Variants in CSMD1 observed in about 807,000 individuals in gnomAD.
CSMD1 encodes the protein CUB and sushi domain-containing protein 1.
Under a neutral mutation model 417.5 loss-of-function variants are expected in CSMD1, and 213 were observed. The observed-to-expected ratio is 0.51, with a 90% CI of 0.46 to 0.57. The LOEUF (loss-of-function observed/expected upper bound fraction) is 0.57, where lower values mean the gene tolerates loss of function less well. CSMD1 is among the 20% of genes least tolerant of loss of function. CSMD1 has a pLI of 0.00. For synonymous variants in CSMD1, 2,862 were observed against 1,736.8 expected (o/e 1.65, Z -16.11); for missense variants, 6,923 against 4,529.7 (o/e 1.53, Z -15.17).
chr8:3,562,012 G>A (rs1799487671), intron 10 of CSMD1, among the ~76,000 whole-genome samples: 1 of 152,018 alleles, frequency 6.6e-6, no homozygotes, highest in South Asian at 2.1e-4. Flanking sequence ...TGTGAAGGAG[G>A]AGTCCTGACT....
chr8:3,855,566 G>C (rs2975372), intron 5 of CSMD1, among the ~76,000 whole-genome samples: 23,554 of 152,122 alleles, frequency 0.15, 2,012 homozygotes, highest in East Asian at 0.39. Context: ...CAGAAATACT[G>C]ATTAACTGAG....
At chr8:4,871,939 T>C (rs1394094761) in intron 1 of CSMD1, among the ~76,000 whole-genome samples, 2 of 152,016 alleles carry the variant, frequency 1.3e-5, no homozygotes, top group East Asian at 1.9e-4. Context: ...TTACCCACTA[T>C]CTCTATGGTC....
chr8:3,284,979 T>C (rs1178412257), intron 25 of CSMD1, among the ~76,000 whole-genome samples: 2 of 152,212 alleles, frequency 1.3e-5, no homozygotes, highest in Non-Finnish European at 2.9e-5. Context: ...CAGGTATTTT[T>C]CAGAGTGACT....
chr8:4,527,658 A>G (rs144861488), intron 2 of CSMD1, among the ~76,000 whole-genome samples: 6 of 152,348 alleles, frequency 3.9e-5, no homozygotes, highest in Non-Finnish European at 5.9e-5. Context: ...TTGAATACTG[A>G]AAGTACATAG....
At chr8:4,584,653 G>A (rs1799611667) in intron 2 of CSMD1, among the ~76,000 whole-genome samples, 1 of 152,094 alleles carries the variant, frequency 6.6e-6, no homozygotes, top group African/African-American at 2.4e-5. Flanking sequence ...GGTTGACCCT[G>A]TGGCCATGAC....
Position 3,408,249 on chromosome 8 carries a change from C to T in CSMD1, c.1745-24G>A. 5 of 1,544,300 alleles carry T rather than the reference C, an allele frequency of 3.2e-6. No homozygotes were observed. The Middle Eastern group carries it at 5.1e-4, about 156-fold the overall frequency. ...AACTGTGAAGATGCAAATATATTTTCAAACAGTTATGCACATATCCAAAGA... is the reference window on the plus strand; with the variant it reads ...AACTGTGAAGATGCAAATATATTTTTAAACAGTTATGCACATATCCAAAGA... On this transcript the variant is annotated intron_variant, in intron 13 of 69. Transcript: ENST00000635120.
At chr8:4,607,275 G>GA (rs1216575079) in intron 2 of CSMD1, among the ~76,000 whole-genome samples, 4 of 142,708 alleles carry the variant, frequency 2.8e-5, no homozygotes, top group South Asian at 2.4e-4. Flanking sequence ...AGAAAATATG[G>GA]AAAAAATAAA....
At chr8:3,175,022 T>C (rs1411495661) in intron 37 of CSMD1, among the ~76,000 whole-genome samples, 2 of 152,194 alleles carry the variant, frequency 1.3e-5, no homozygotes, top group East Asian at 3.8e-4. Context: ...GGTATAAGTT[T>C]TGAACTCAGT....
intron 3 of CSMD1, among the ~76,000 whole-genome samples, chr8:4,079,720 T>C (rs1463303738): frequency 6.6e-6 from 1 of 152,220 alleles, no homozygotes; most frequent in African/African-American, 2.4e-5. Flanking sequence ...ATAGTATGAA[T>C]AGCCCAATGG....
chr8:3,199,864 T>C (rs1040077355), intron 32 of CSMD1, 55 bp from the exon 33 acceptor site: 10 of 1,060,454 alleles, frequency 9.4e-6, no homozygotes, highest in African/African-American at 3.2e-5. Context: ...TGGGGGACGG[T>C]AGTATTTTGG....
Position 3,849,823 on chromosome 8 carries a change from T to TTTTTG in CSMD1, c.819-95786_819-95782dup, listed in dbSNP as rs576128163. 2.0e-3 allele frequency among the ~76,000 whole-genome samples: 309 copies of TTTTTG among 151,966 alleles called. 3 individuals are homozygous for TTTTTG. The highest frequency in any genetic ancestry group is 6.8e-3 in the Middle Eastern group (2 of 294). On this transcript the variant is annotated intron_variant, in intron 5 of 69. Coordinates refer to ENST00000635120, the MANE Select transcript of CSMD1 (RefSeq NM_033225.6). ...ACAGAGTATATCTTTTTTTGTTTGG[T>TTTTTG]TTTTGTTTTTGTGATGGAGTCTCGC... is the stretch of plus-strand genomic sequence containing the variant.
intron 49 of CSMD1, among the ~76,000 whole-genome samples, chr8:3,080,900 T>C (rs1284036911): frequency 2.0e-5 from 3 of 152,150 alleles, no homozygotes; most frequent in African/African-American, 7.2e-5. Context: ...CGAGTAATTT[T>C]TCTCTAAAAA....
intron 7 of CSMD1, among the ~76,000 whole-genome samples, chr8:3,672,653 G>A (rs1799137943): frequency 6.6e-6 from 1 of 152,186 alleles, no homozygotes; most frequent in Non-Finnish European, 1.5e-5. Context: ...AGTATGACAT[G>A]GTGCAGTGTC....
intron 1 of CSMD1, among the ~76,000 whole-genome samples, chr8:4,985,762 T>C (rs544326660): frequency 1.3e-5 from 2 of 152,326 alleles, no homozygotes; most frequent in South Asian, 2.1e-4. Flanking sequence ...AGCATGGATG[T>C]TGAACAAGTG....
At chr8:3,051,487 T>C (rs1811813817) in intron 50 of CSMD1, among the ~76,000 whole-genome samples, 2 of 152,182 alleles carry the variant, frequency 1.3e-5, no homozygotes, top group Non-Finnish European at 2.9e-5. Context: ...AGACTGTCTC[T>C]TGGGTACTAT....
At chr8:3,971,249 G>C (rs996203819) in intron 5 of CSMD1, among the ~76,000 whole-genome samples, 2 of 152,152 alleles carry the variant, frequency 1.3e-5, no homozygotes, top group Non-Finnish European at 2.9e-5. Flanking sequence ...ACTTCTGCCT[G>C]AGTTTTTAAT....
intron 1 of CSMD1, among the ~76,000 whole-genome samples, chr8:4,936,668 AAC>A (rs1807642483): frequency 6.6e-6 from 1 of 152,206 alleles, no homozygotes; most frequent in Non-Finnish European, 1.5e-5. Context: ...GGACATTATT[AAC>A]CATTGTCTAT....
intron 2 of CSMD1, among the ~76,000 whole-genome samples, chr8:4,564,650 A>T (rs1029684129): frequency 6.6e-6 from 1 of 152,258 alleles, no homozygotes; most frequent in Non-Finnish European, 1.5e-5. Flanking sequence ...CACTTCACTG[A>T]GGAAGCAGAT....
chr8:4,223,333 G>A (rs190515365), intron 3 of CSMD1, among the ~76,000 whole-genome samples: 225 of 152,352 alleles, frequency 1.5e-3, no homozygotes, highest in Non-Finnish European at 2.0e-3. Context: ...GAACACTGTT[G>A]TCTCAGAACA....
Sources: gnomAD v4.1 joint callset for allele counts (sites outside exome capture counted in the v4.1 genomes callset) on GRCh38, gnomAD v4.1.1 for gene constraint, MANE v1.5 for transcripts, NCBI Gene and HGNC (gene_info 2026-07-23, HGNC 2026-07-21) for gene names.